The following SLC39A11 variants were observed in gnomAD, a reference collection of about 807,000 sequenced individuals.
The protein encoded by SLC39A11 is zinc transporter ZIP11.
SLC39A11 carries 33 observed loss-of-function variants against 36.1 expected under a neutral mutation model. That is an observed-to-expected ratio of 0.91 (90% confidence interval 0.69 to 1.22). The LOEUF (loss-of-function observed/expected upper bound fraction) is 1.22. Among genes scored for constraint, SLC39A11 ranks in the 50% most tolerant of loss-of-function variants. The probability of loss-of-function intolerance (pLI) is 0.00; values close to 1 mark genes in which losing one functional copy is unlikely to be tolerated. For missense variants in SLC39A11, 432 were observed against 430.3 expected, an observed-to-expected ratio of 1.00 and a Z score of -0.03; for synonymous variants, 166 against 170.3, an observed-to-expected ratio of 0.97 and a Z score of 0.20.
chr17:72,694,895 C>T (rs1473611481), intron 7 of SLC39A11, among the ~76,000 whole-genome samples: 2 of 152,184 alleles, frequency 1.3e-5, no homozygotes, highest in Non-Finnish European at 2.9e-5. Context: ...ATTTCCTCCC[C>T]GGGAGAGTCT....
intron 4 of SLC39A11, among the ~76,000 whole-genome samples, chr17:72,989,224 T>C (rs764892646): frequency 9.2e-5 from 14 of 152,186 alleles, no homozygotes; most frequent in Non-Finnish European, 1.2e-4. Flanking sequence ...AAGAAAACAA[T>C]TGTCCATCCT....
intron 5 of SLC39A11, among the ~76,000 whole-genome samples, chr17:72,932,309 T>TATTATTATTATTATTATTATA (rs565770380): frequency 2.2e-4 from 33 of 151,494 alleles, no homozygotes; most frequent in African/African-American, 8.1e-4. Flanking sequence ...TTATTATTAT[T>TATTATTATTATTATTATTATA]ATACTTTAAG....
At chr17:72,871,150 C>T (rs1423778094) in intron 5 of SLC39A11, among the ~76,000 whole-genome samples, 1 of 151,248 alleles carries the variant, frequency 6.6e-6, no homozygotes, top group African/African-American at 2.4e-5. Context: ...CGTCTTCCGC[C>T]TCCCAAGTTC....
chr17:72,932,772 T>G (rs2084497433), intron 5 of SLC39A11, among the ~76,000 whole-genome samples: 2 of 152,176 alleles, frequency 1.3e-5, no homozygotes, highest in Admixed American at 1.3e-4. Context: ...CTAAGCATTT[T>G]ACATGTATTC....
Position 72,721,149 on chromosome 17 carries a change from C to T in SLC39A11, c.671+15501G>A, listed in dbSNP as rs150640387. Among the ~76,000 whole-genome samples the T allele has an allele frequency of 9.3e-3, 1,376 of 147,508 alleles. 19 individuals carry two copies. Among genetic ancestry groups the T allele is most frequent in the African/African-American group, 0.033 (1,286 of 39,414 alleles). On this transcript the variant is annotated intron_variant, in intron 7 of 9. Coordinates refer to ENST00000255559, the MANE Select transcript of SLC39A11 (RefSeq NM_139177.4). ...TCTTGCTCTGTTGCCCAGGCTGAAG[C>T]GCAGCAGCGCGATCTCGGCTCACTG...
intron 3 of SLC39A11, among the ~76,000 whole-genome samples, chr17:73,063,241 T>C (rs947850710): frequency 6.6e-6 from 1 of 152,168 alleles, no homozygotes; most frequent in Non-Finnish European, 1.5e-5. Flanking sequence ...ACTGAATCAA[T>C]TGGATTGACT....
At chr17:72,836,858 G>A (rs992456913) in intron 6 of SLC39A11, among the ~76,000 whole-genome samples, 7 of 152,156 alleles carry the variant, frequency 4.6e-5, no homozygotes, top group Middle Eastern at 3.4e-3. Context: ...AGCCTGAGTC[G>A]CCGGCTACTG....
chr17:72,831,894 G>A lies in SLC39A11; in HGVS notation c.601+17740C>T, dbSNP rs556610284. Among the ~76,000 whole-genome samples, 8 of 152,308 alleles carry A rather than the reference G, an allele frequency of 5.3e-5. No homozygotes were observed. In the East Asian group the frequency reaches 5.8e-4, roughly 11 times the overall value. ...TGGCTGAGAGTAGAGCTTAAGTTAC[G>A]CAGATGGGCTGCAAAGATTAATTGC... On this transcript the variant is annotated intron_variant, in intron 6 of 9. Transcript: ENST00000255559.
At chr17:72,810,930 G>A (rs1403336074) in intron 6 of SLC39A11, among the ~76,000 whole-genome samples, 1 of 152,110 alleles carries the variant, frequency 6.6e-6, no homozygotes, top group Non-Finnish European at 1.5e-5. Context: ...TTGACCTCAG[G>A]TGATCTGCCT....
intron 5 of SLC39A11, among the ~76,000 whole-genome samples, chr17:72,915,980 C>A (rs1259403627): frequency 6.6e-6 from 1 of 152,168 alleles, no homozygotes; most frequent in Non-Finnish European, 1.5e-5. Flanking sequence ...TCTGGCCGTA[C>A]CCAGTAATAC....
At chr17:72,844,719 A>C (rs1377515871) in intron 6 of SLC39A11, among the ~76,000 whole-genome samples, 1 of 152,136 alleles carries the variant, frequency 6.6e-6, no homozygotes, top group Non-Finnish European at 1.5e-5. Context: ...TGATTCAGAA[A>C]TCTATAACTC....
At chr17:72,848,720 TAA>T (rs35460918) in intron 6 of SLC39A11, among the ~76,000 whole-genome samples, 4 of 144,358 alleles carry the variant, frequency 2.8e-5, no homozygotes, top group African/African-American at 5.1e-5. Context: ...GACTCTGTCT[TAA>T]AAAAAAAAAA....
At chr17:72,834,232 A>C (rs537828985) in intron 6 of SLC39A11, among the ~76,000 whole-genome samples, 1 of 152,226 alleles carries the variant, frequency 6.6e-6, no homozygotes, top group Non-Finnish European at 1.5e-5. Context: ...AGTCATGCTA[A>C]GGAGCTAAAG....
At chr17:72,879,912 G>T (rs746746478) in intron 5 of SLC39A11, among the ~76,000 whole-genome samples, 10 of 152,214 alleles carry the variant, frequency 6.6e-5, no homozygotes, top group Admixed American at 2.0e-4. Flanking sequence ...CCTGTCCCAT[G>T]ACTTCACCCT....
At chr17:72,693,001 G>A (rs1043105732) in intron 7 of SLC39A11, among the ~76,000 whole-genome samples, 13 of 152,120 alleles carry the variant, frequency 8.5e-5, no homozygotes, top group Admixed American at 2.0e-4. Flanking sequence ...AGCACTAAAA[G>A]GATATTAAAT....
Position 73,029,526 on chromosome 17 carries a change from CAT to C in SLC39A11, c.306+2028_306+2029del, listed in dbSNP as rs548329345. ...AGGGCCACTGGACGCCACTACCACA[CAT>C]AGTCGGCAGCAAGGAAGCCACATGT... On this transcript the variant is annotated intron_variant, in intron 4 of 9. Transcript: ENST00000255559. 2.6e-5 allele frequency among the ~76,000 whole-genome samples: 4 copies of C among 152,218 alleles called. No homozygotes were observed. The South Asian group carries it at 8.3e-4, about 32-fold the overall frequency.
chr17:72,655,492 CCT>C (rs1429668210), intron 7 of SLC39A11, among the ~76,000 whole-genome samples: 1 of 152,254 alleles, frequency 6.6e-6, no homozygotes, highest in Non-Finnish European at 1.5e-5. Context: ...CATTGGGCCC[CCT>C]GTGTGCAGAT....
In SLC39A11 at chr17:72,827,135, G is replaced by A. The variant is rs140968797; in HGVS notation, c.601+22499C>T. Among the ~76,000 whole-genome samples the A allele has an allele frequency of 1.1e-4, 17 of 152,288 alleles. No homozygotes were observed. In the East Asian group the frequency reaches 3.1e-3, roughly 28 times the overall value. The stretch of plus-strand genomic sequence containing the variant: ...CTGATGAATGGATGAACAAAATGTG[G>A]TATAGACATATAATGGAATATTATT... On this transcript the variant is annotated intron_variant, in intron 6 of 9. Coordinates refer to ENST00000255559, the MANE Select transcript of SLC39A11 (RefSeq NM_139177.4).
chr17:73,031,254 C>CATTCTAGGTCCTACCCAGCACCCA (rs2058730035), intron 4 of SLC39A11, among the ~76,000 whole-genome samples: 1 of 151,822 alleles, frequency 6.6e-6, no homozygotes, highest in African/African-American at 2.4e-5. Flanking sequence ...CCACAGTGAT[C>CATTCTAGGTCCTACCCAGCACCCA]GTTCTAGGTC....
Sources: allele counts gnomAD v4.1 joint callset (sites outside exome capture counted in the v4.1 genomes callset), GRCh38; gene constraint gnomAD v4.1.1; transcripts MANE v1.5; gene names NCBI Gene and HGNC (gene_info 2026-07-23, HGNC 2026-07-21).